Variants in UBALD2 observed in about 807,000 individuals in gnomAD.
The protein encoded by UBALD2 is UBA-like domain-containing protein 2.
A neutral mutation model predicts 15.9 loss-of-function variants in UBALD2; 8 were observed. That is an observed-to-expected ratio of 0.50 (90% confidence interval 0.29 to 0.91). The LOEUF (loss-of-function observed/expected upper bound fraction) is 0.91, where lower values mean the gene tolerates loss of function less well. UBALD2 is among the 40% of genes least tolerant of loss of function. The pLI is 0.07. For missense variants in UBALD2, 178 were observed against 234.8 expected, an observed-to-expected ratio of 0.76 and a Z score of 1.58; for synonymous variants, 113 against 97.7, an observed-to-expected ratio of 1.16 and a Z score of -0.93.
chr17:76,266,946 A>G (rs1484166660), intron 2 of UBALD2, among the ~76,000 whole-genome samples: 1 of 152,210 alleles, frequency 6.6e-6, no homozygotes, highest in African/African-American at 2.4e-5. Context: ...GAGGACAAGT[A>G]GAGGGGTCTG....
Position 76,270,461 on chromosome 17 carries a change from G to A in UBALD2, c.451G>A (p.Gly151Ser). 1.3e-6 allele frequency: 2 copies of A among 1,493,096 alleles called. No homozygotes were observed. The highest frequency in any genetic ancestry group is 2.5e-5 in the East Asian group (1 of 40,250). 92.5% of individuals were successfully genotyped at this position (1,493,096 alleles called of 1,614,324 possible). ...GTGGCCCCCAGGAGCACAGCAGGGG[G>A]GCGCCCAGCAGAAAGCCATGGCGGC... ...PTWPPGAQQGGAQQKAMAAMD... is the reference protein window; with the variant it reads ...PTWPPGAQQGSAQQKAMAAMD... The change falls in exon 3 of 3, where the codon GGC becomes AGC. Residue 151 changes from glycine (G) to serine (S), a missense_variant. By Grantham distance (56) the Gly-to-Ser change is moderately conservative. Coordinates refer to ENST00000327490, the MANE Select transcript of UBALD2 (RefSeq NM_182565.4).
chr17:76,265,595 G>T lies in UBALD2; in HGVS notation c.90G>T (p.Gln30His). The change falls in exon 1 of 3, where the codon CAG (glutamine) becomes CAT (histidine). Residue 30 changes from glutamine (Q) to histidine (H), a missense_variant. By Grantham distance (24) the Gln-to-His change is conservative. Transcript: ENST00000327490. ...AAGCAADQAKQLLQAAHWQFE... is the reference protein window; with the variant it reads ...AAGCAADQAKHLLQAAHWQFE... ...GCTGCGCGGCCGACCAGGCGAAGCA[G>T]TTGCTGCAGGCGGCCCACTGGCAGT... is the stretch of plus-strand genomic sequence containing the variant. The T allele has an allele frequency of 7.5e-7, 1 of 1,333,886 alleles. No homozygotes were observed. The highest frequency in any genetic ancestry group is 9.8e-7 in the Non-Finnish European group (1 of 1,019,368). The allele number at this position is 1,333,886 out of a possible 1,614,324, so 82.6% of individuals were successfully genotyped here.
At chr17:76,267,496 T>C (rs1342985346) in intron 2 of UBALD2, among the ~76,000 whole-genome samples, 10 of 144,146 alleles carry the variant, frequency 6.9e-5, no homozygotes, top group Admixed American at 1.4e-4. Flanking sequence ...GTTTCTTTTT[T>C]TTTTTTTTTT....
In UBALD2 at chr17:76,269,058, G is replaced by A. The variant is rs904360703; in HGVS notation, c.184-1136G>A. Among the ~76,000 whole-genome samples the A allele has an allele frequency of 3.3e-5, 5 of 152,140 alleles. No homozygotes were observed. Among genetic ancestry groups the A allele is most frequent in the African/African-American group, 1.2e-4 (5 of 41,422 alleles). ...CCAAAGCTCCCTCTTTCAAGGTGAA[G>A]AGCCCTCAAGTCGTTCCCCCAACTC... On this transcript the variant is annotated intron_variant, in intron 2 of 2. Transcript: ENST00000327490. This position sits in a 1 kb window ranked among gnomAD's most constrained non-coding sequence, Gnocchi z 4.6.
rs150216145 is a variant in UBALD2 at position 76,269,755 on chromosome 17, G to A, written c.184-439G>A. On this transcript the variant is annotated intron_variant, in intron 2 of 2. Coordinates refer to ENST00000327490, the MANE Select transcript of UBALD2 (RefSeq NM_182565.4). The surrounding 1 kb of genome is among the most constrained non-coding windows in gnomAD (Gnocchi z 4.6). ...TAACTTTTCCAGGGTTGGCACAGGA[G>A]GGAGAGCCTCCCCGCTGGCCGCTCT... 1.3e-5 allele frequency among the ~76,000 whole-genome samples: 2 copies of A among 152,328 alleles called. No homozygotes were observed. Among genetic ancestry groups the A allele is most frequent in the Non-Finnish European group, 2.9e-5 (2 of 68,014 alleles).
intron 2 of UBALD2, among the ~76,000 whole-genome samples, chr17:76,267,672 T>C (rs548287513): frequency 5.3e-5 from 8 of 149,706 alleles, no homozygotes; most frequent in East Asian, 2.0e-4. Flanking sequence ...CTTTTCTTTT[T>C]TTTTTTTTTT....
chr17:76,268,373 G>T (rs1200957155), intron 2 of UBALD2, among the ~76,000 whole-genome samples: 1 of 152,216 alleles, frequency 6.6e-6, no homozygotes, highest in Non-Finnish European at 1.5e-5. Flanking sequence ...GAGGAGACAG[G>T]CCTCGCTGGC....
In UBALD2 at chr17:76,268,731, G is replaced by GTTT. The variant is rs555489468; in HGVS notation, c.184-1445_184-1443dup. ...GTTTCTAGCTGTGAAAGCTCCCTCT[G>GTTT]TTTTTTTTTTTTTTTTTTTTGAGAC... On this transcript the variant is annotated intron_variant, in intron 2 of 2. Transcript: ENST00000327490. Among the ~76,000 whole-genome samples the GTTT allele has an allele frequency of 4.7e-4, 57 of 121,560 alleles. 2 individuals are homozygous for GTTT. Among genetic ancestry groups the GTTT allele is most frequent in the African/African-American group, 1.7e-3 (48 of 27,914 alleles). The allele number at this position is 121,560 out of a possible 152,430, so 79.7% of individuals were successfully genotyped here. A position where few individuals can be genotyped will look rare whatever the true frequency, so the allele number is the denominator to read the frequency against.
intron 2 of UBALD2, among the ~76,000 whole-genome samples, chr17:76,267,511 T>TTTTTC (rs2070553990): frequency 7.9e-6 from 1 of 125,910 alleles, no homozygotes; most frequent in African/African-American, 3.1e-5. Flanking sequence ...TTTTTTTTTT[T>TTTTTC]CTAATTTTAT....
Position 76,265,645 on chromosome 17 carries a change from G to A in UBALD2, c.120+20G>A. ...TTCGAGGTGCGAGCCTGGCCGCCGC[G>A]GGGCCGGGCCGCGGGGGTCGGGGAC... On this transcript the variant is annotated intron_variant, in intron 1 of 2. Coordinates refer to ENST00000327490, the MANE Select transcript of UBALD2 (RefSeq NM_182565.4). 8.7e-7 allele frequency: 1 copy of A among 1,149,696 alleles called. No individual in the cohort carries two copies. Among genetic ancestry groups the A allele is most frequent in the Non-Finnish European group, 1.1e-6 (1 of 935,086 alleles). 71.2% of individuals were successfully genotyped at this position (1,149,696 alleles called of 1,614,324 possible).
intron 2 of UBALD2, among the ~76,000 whole-genome samples, chr17:76,268,492 G>GA (rs57096365): frequency 6.6e-6 from 1 of 151,496 alleles, no homozygotes; most frequent in Non-Finnish European, 1.5e-5. Context: ...AGAGGGTGGG[G>GA]GGGGGGCAGG....
chr17:76,265,398 G>A lies in UBALD2; in HGVS notation c.-108G>A, dbSNP rs2070536174. On this transcript the variant is annotated 5_prime_UTR_variant, in exon 1 of 3. Coordinates refer to ENST00000327490, the MANE Select transcript of UBALD2 (RefSeq NM_182565.4). Reference sequence around the variant, plus strand: ...CGGAGCGGGCGGCGGAGCGGCGGCAGCAGCGGTGAGCGCGAGCCCCGGAGC... The same window carrying A: ...CGGAGCGGGCGGCGGAGCGGCGGCAACAGCGGTGAGCGCGAGCCCCGGAGC... 1.2e-5 allele frequency: 11 copies of A among 953,760 alleles called. No individual in the cohort carries two copies. The South Asian group carries it at 5.1e-4, about 44-fold the overall frequency. The allele number at this position is 953,760 out of a possible 1,614,324, so 59.1% of individuals were successfully genotyped here. A position where few individuals can be genotyped will look rare whatever the true frequency, so the allele number is the denominator to read the frequency against.
At chr17:76,267,733 C>T (rs1223498415) in intron 2 of UBALD2, among the ~76,000 whole-genome samples, 3 of 147,510 alleles carry the variant, frequency 2.0e-5, no homozygotes, top group South Asian at 4.3e-4. Context: ...GGTGTGATCT[C>T]GGCTCACCGC....
chr17:76,268,496 G>GGGGT lies in UBALD2; in HGVS notation c.184-1696_184-1695insGTGG, dbSNP rs1358447784. 5.9e-3 allele frequency among the ~76,000 whole-genome samples: 892 copies of GGGGT among 151,928 alleles called. 8 individuals carry two copies. The highest frequency in any genetic ancestry group is 0.021 in the African/African-American group (850 of 41,256). On this transcript the variant is annotated intron_variant, in intron 2 of 2. Coordinates refer to ENST00000327490, the MANE Select transcript of UBALD2 (RefSeq NM_182565.4). The stretch of plus-strand genomic sequence containing the variant: ...AAGTCATCCCCAGAGGGTGGGGGGG[G>GGGGT]GGCAGGGAGTAGTGGAGGGAGGAGG...
chr17:76,266,123 C>A (rs946509896), intron 2 of UBALD2, among the ~76,000 whole-genome samples, 154 bp downstream of exon 2: 27 of 152,380 alleles, frequency 1.8e-4, no homozygotes, highest in African/African-American at 5.5e-4. Context: ...GCGCCTCCAA[C>A]TTTGAGGCCC....
At chr17:76,267,911 G>A (rs534973362) in intron 2 of UBALD2, among the ~76,000 whole-genome samples, 12 of 151,056 alleles carry the variant, frequency 7.9e-5, no homozygotes, top group Admixed American at 5.9e-4. Context: ...CGCCTGCCTC[G>A]GCCTCCCAAA....
In UBALD2 at chr17:76,265,469, C is replaced by G; in HGVS notation, c.-37C>G. 1 of 1,042,502 alleles carries G rather than the reference C, an allele frequency of 9.6e-7. No homozygotes were observed. The highest frequency in any genetic ancestry group is 1.2e-6 in the Non-Finnish European group (1 of 865,796). The allele number at this position is 1,042,502 out of a possible 1,614,324, so 64.6% of individuals were successfully genotyped here. ...CGCCCGCGCAGCCCCGCGTCTGCGT[C>G]CGGCCGGAGACGCCGGGCCCCGCGC... is the stretch of plus-strand genomic sequence containing the variant. On this transcript the variant is annotated 5_prime_UTR_variant, in exon 1 of 3. Coordinates refer to ENST00000327490, the MANE Select transcript of UBALD2 (RefSeq NM_182565.4).
Position 76,270,698 on chromosome 17 carries a change from T to C in UBALD2, c.*193T>C, listed in dbSNP as rs1479820380. On this transcript the variant is annotated 3_prime_UTR_variant, in exon 3 of 3. Coordinates refer to ENST00000327490, the MANE Select transcript of UBALD2 (RefSeq NM_182565.4). ...GGGCCACGTGGGTCCTTCAGGAGTT[T>C]TTCAGGCAAGTTTTTCCTCTGTTTT... 1 of 490,528 alleles carries C rather than the reference T, an allele frequency of 2.0e-6. No individual in the cohort carries two copies. Among genetic ancestry groups the C allele is most frequent in the Non-Finnish European group, 3.5e-6 (1 of 284,478 alleles). 30.4% of individuals were successfully genotyped at this position (490,528 alleles called of 1,614,324 possible).
Position 76,270,483 on chromosome 17 carries a change from C to A in UBALD2, c.473C>A (p.Ala158Glu). 1 of 1,463,686 alleles carries A rather than the reference C, an allele frequency of 6.8e-7. No individual in the cohort carries two copies. Among genetic ancestry groups the A allele is most frequent in the South Asian group, 1.4e-5 (1 of 70,902 alleles). 90.7% of individuals were successfully genotyped at this position (1,463,686 alleles called of 1,614,324 possible). ...GGGGGCGCCCAGCAGAAAGCCATGG[C>A]GGCCATGGACGGCCAGAGATGAGAC... ...QQGGAQQKAMAAMDGQR is the reference protein window; with the variant it reads ...QQGGAQQKAMEAMDGQR The change falls in exon 3 of 3, where the codon GCG becomes GAG. Residue 158 changes from alanine (A) to glutamate (E), a missense_variant. Transcript: ENST00000327490.
Sources: gnomAD v4.1 joint callset for allele counts (sites outside exome capture counted in the v4.1 genomes callset) on GRCh38, gnomAD v4.1.1 for gene constraint, Gnocchi (gnomAD v3.1) non-coding constraint, MANE v1.5 for transcripts, NCBI Gene and HGNC (gene_info 2026-07-23, HGNC 2026-07-21) for gene names.